TUBE1: variants seen among roughly 807,000 people sequenced by gnomAD.
TUBE1 encodes tubulin epsilon chain.
A neutral mutation model predicts 53.5 loss-of-function variants in TUBE1; 34 were observed. The ratio of observed to expected loss-of-function variants is 0.64; its 90% CI spans 0.48 to 0.85. The LOEUF (loss-of-function observed/expected upper bound fraction) is 0.85, where lower values mean the gene tolerates loss of function less well. Among genes scored for constraint, TUBE1 ranks in the 40% least tolerant of loss-of-function variants. The probability of loss-of-function intolerance (pLI) is 0.00; values close to 1 mark genes in which losing one functional copy is unlikely to be tolerated. For missense variants in TUBE1, 532 were observed against 570.5 expected (o/e 0.93, Z 0.69); for synonymous variants, 177 against 198.4 (o/e 0.89, Z 0.91).
chr6:112,085,933 C>T (rs1336760248), intron 3 of TUBE1, among the ~76,000 whole-genome samples: 1 of 152,216 alleles, frequency 6.6e-6, no homozygotes, highest in Non-Finnish European at 1.5e-5. Flanking sequence ...AAGATAACTG[C>T]TCACACACCC....
At chr6:112,087,164 A>T (rs1777175752) in intron 2 of TUBE1, 69 bp downstream of exon 2, 1 of 1,381,082 alleles carries the variant, frequency 7.2e-7, no homozygotes, top group Non-Finnish European at 1.0e-6. Context: ...GCTCAAGTCG[A>T]TTATTTCCTG....
At chr6:112,071,695 T>C in intron 11 of TUBE1, 125 bp from the exon 12 acceptor site, 1 of 985,352 alleles carries the variant, frequency 1.0e-6, no homozygotes, top group Non-Finnish European at 1.4e-6. Flanking sequence ...AAAGAGAACT[T>C]GTGTCAAATT....
In TUBE1 at chr6:112,071,538, C is replaced by T. The variant is rs782717888; in HGVS notation, c.1302G>A (p.Gly434=). The change falls in exon 12 of 12, where the codon GGG becomes GGA. Residue 434 remains glycine, a synonymous_variant. Transcript: ENST00000368662. The stretch of plus-strand genomic sequence containing the variant: ...CTTCTGTGAAACAGCTTTCTTCCAT[C>T]CCTTCAACTTGTAGATAGTGATGAA... ...AHLHHYLQVE[G]MEESCFTEAV... 6.2e-7 allele frequency: 1 copy of T among 1,611,356 alleles called. No homozygotes were observed. The highest frequency in any genetic ancestry group is 2.2e-5 in the East Asian group (1 of 44,844).
chr6:112,079,825 T>A, intron 5 of TUBE1, 71 bp from the exon 6 acceptor site: 1 of 1,440,572 alleles, frequency 6.9e-7, no homozygotes, highest in Non-Finnish European at 9.4e-7. Flanking sequence ...CTAATCTAAA[T>A]AAAAGGATTT....
intron 5 of TUBE1, among the ~76,000 whole-genome samples, chr6:112,080,215 A>G (rs1247398942): frequency 6.6e-6 from 1 of 152,062 alleles, no homozygotes; most frequent in Non-Finnish European, 1.5e-5. Flanking sequence ...TATGAGAAAA[A>G]AAAGGTCACA....
At position 112,072,065 on chromosome 6, in the gene TUBE1, G is replaced by A; in HGVS notation, c.1106C>T (p.Ser369Phe). Residue 369 changes from serine (S) to phenylalanine (F), a missense_variant, in exon 11 of 12, where the codon TCT (serine) becomes TTT (phenylalanine). Physicochemically the swap from Ser to Phe is radical, Grantham distance 155. Transcript: ENST00000368662. ...TTGATTCCAGGAGACAAATTGTAGA[G>A]ATGGTTTTAATCTGAGATTAAAAAA... ...LRRNIERLKP[S>F]LQFVSWNQEG... 1 of 1,590,430 alleles carries A rather than the reference G, an allele frequency of 6.3e-7. No individual in the cohort carries two copies. The highest frequency in any genetic ancestry group is 8.5e-7 in the Non-Finnish European group (1 of 1,173,014).
At chr6:112,072,129 T>C (rs117382527) in intron 10 of TUBE1, 53 bp from the exon 11 acceptor site, 6 of 1,400,550 alleles carry the variant, frequency 4.3e-6, no homozygotes, top group Non-Finnish European at 5.8e-6. Flanking sequence ...ACTAAAAATG[T>C]CTGCCATATA....
intron 5 of TUBE1, among the ~76,000 whole-genome samples, chr6:112,080,457 G>A (rs1390717540): frequency 4.6e-5 from 7 of 152,020 alleles, no homozygotes; most frequent in Admixed American, 4.6e-4. Context: ...CTGGTTCTCT[G>A]GGAACACAAG....
intron 6 of TUBE1, 154 bp downstream of exon 6, chr6:112,079,479 G>T: frequency 3.8e-6 from 2 of 522,658 alleles, no homozygotes; most frequent in Non-Finnish European, 6.2e-6. Context: ...AAAATTTTAA[G>T]ATAAAAAGGT....
In TUBE1 at chr6:112,073,376, T is replaced by C. The variant is rs1325773396; in HGVS notation, c.954-478A>G. The stretch of plus-strand genomic sequence containing the variant: ...AAATTATCAAAGGACAATGTGAAGC[T>C]CTCCTATAAAAGATGAAACTCCATA... On this transcript the variant is annotated intron_variant, in intron 9 of 11. Transcript: ENST00000368662. Among the ~76,000 whole-genome samples, 5 of 152,112 alleles carry C rather than the reference T, an allele frequency of 3.3e-5. No individual in the cohort carries two copies. In the East Asian group the frequency reaches 9.6e-4, roughly 29 times the overall value.
chr6:112,084,357 A>T, intron 3 of TUBE1, 111 bp from the exon 4 acceptor site: 1 of 825,996 alleles, frequency 1.2e-6, no homozygotes, highest in Non-Finnish European at 2.0e-6. Context: ...TAGGCCAGGT[A>T]AGGCAGACAC....
In TUBE1 at chr6:112,076,358, A is replaced by C. The variant is rs782139988; in HGVS notation, c.600T>G (p.Asn200Lys). 13 of 1,604,394 alleles carry C rather than the reference A, an allele frequency of 8.1e-6. No homozygotes were observed. Among genetic ancestry groups the C allele is most frequent in the Non-Finnish European group, 1.1e-5 (13 of 1,176,520 alleles). The part of the protein sequence containing the change: ...YNSILAMKEL[N>K]EHADCVLPID... Reference sequence around the variant, plus strand: ...TGGGCAATACACAGTCTGCATGCTCATTAAGTTCCTTCATTGCCAAGATGC... The same window carrying C: ...TGGGCAATACACAGTCTGCATGCTCCTTAAGTTCCTTCATTGCCAAGATGC... Residue 200 changes from asparagine to lysine, a missense_variant, in exon 7 of 12, where the codon AAT becomes AAG. Coordinates refer to ENST00000368662, the MANE Select transcript of TUBE1 (RefSeq NM_016262.5).
rs1776967630 is a variant in TUBE1 at position 112,076,328 on chromosome 6, G to A, written c.630C>T (p.Asp210=). The part of the protein sequence containing the change: ...NEHADCVLPI[D]NQSLFDIISK... ...TTCCAATGTCATTTCTTACTTGATTGTCAATGGGCAATACACAGTCTGCAT... is the reference window on the plus strand; with the variant it reads ...TTCCAATGTCATTTCTTACTTGATTATCAATGGGCAATACACAGTCTGCAT... The change falls in exon 7 of 12, where the codon GAC becomes GAT. Residue 210 remains aspartate (D), a synonymous_variant. Coordinates refer to ENST00000368662, the MANE Select transcript of TUBE1 (RefSeq NM_016262.5). 2 of 1,568,530 alleles carry A rather than the reference G, an allele frequency of 1.3e-6. No individual in the cohort carries two copies. Among genetic ancestry groups the A allele is most frequent in the Non-Finnish European group, 1.7e-6 (2 of 1,158,522 alleles).
At chr6:112,075,069 T>TC (rs1491175755) in intron 8 of TUBE1, 28 of 66,084 alleles carry the variant, frequency 4.2e-4, no homozygotes, top group African/African-American at 1.5e-3. Context: ...TTTTTCTTTC[T>TC]TTTTTTTTTT....
At chr6:112,082,673 TA>T (rs2114490606) in intron 4 of TUBE1, among the ~76,000 whole-genome samples, 1 of 152,330 alleles carries the variant, frequency 6.6e-6, no homozygotes, top group South Asian at 2.1e-4. Context: ...GGAAATTAAC[TA>T]AACTTTGGGA....
rs6899727 is a variant in TUBE1, at chr6:112,071,372, A to G, written c.*40T>C. Reference sequence around the variant, plus strand: ...TGTTGAAACAGAAAGGTCAGAAAAAACAATGTGAAATTAAGAAAGTATTTT... The same window carrying G: ...TGTTGAAACAGAAAGGTCAGAAAAAGCAATGTGAAATTAAGAAAGTATTTT... On this transcript the variant is annotated 3_prime_UTR_variant, in exon 12 of 12. Transcript: ENST00000368662. The G allele has an allele frequency of 2.6e-4, 377 of 1,440,592 alleles. No individual in the cohort carries two copies. In the African/African-American group the frequency reaches 3.9e-3, roughly 15 times the overall value. The allele number at this position is 1,440,592 out of a possible 1,614,324, so 89.2% of individuals were successfully genotyped here. A position where few individuals can be genotyped will look rare whatever the true frequency, so the allele number is the denominator to read the frequency against.
At chr6:112,073,703 AGAATT>A (rs1279813708) in intron 9 of TUBE1, among the ~76,000 whole-genome samples, 2 of 152,228 alleles carry the variant, frequency 1.3e-5, no homozygotes, top group Admixed American at 1.3e-4. Flanking sequence ...CCTGAAGTAT[AGAATT>A]ATCTTGTCAA....
chr6:112,086,708 A>G, intron 2 of TUBE1, 100 bp from the exon 3 acceptor site: 1 of 735,522 alleles, frequency 1.4e-6, no homozygotes, highest in Non-Finnish European at 2.2e-6. Context: ...GGCTAGGATG[A>G]GACTCTGATA....
chr6:112,074,623 CTA>C, intron 9 of TUBE1, 85 bp downstream of exon 9: 2 of 1,001,254 alleles, frequency 2.0e-6, no homozygotes, highest in Middle Eastern at 3.3e-4. Context: ...AATTAAATAA[CTA>C]GAGTTATTGC....
Sources: allele counts gnomAD v4.1 joint callset (sites outside exome capture counted in the v4.1 genomes callset), GRCh38; gene constraint gnomAD v4.1.1; transcripts MANE v1.5; gene names NCBI Gene and HGNC (gene_info 2026-07-23, HGNC 2026-07-21).